The following PRDM14 variants were observed in gnomAD, a reference collection of about 807,000 sequenced individuals.
PRDM14 encodes the protein PR domain zinc finger protein 14.
A neutral mutation model predicts 48.0 loss-of-function variants in PRDM14; 16 were observed. The ratio of observed to expected loss-of-function variants is 0.33; its 90% CI spans 0.23 to 0.51. The LOEUF (loss-of-function observed/expected upper bound fraction) is 0.51, where lower values mean the gene tolerates loss of function less well. Ranked by LOEUF, PRDM14 falls within the 20% of genes least tolerant of loss-of-function variation. PRDM14 has a pLI of 0.97. For missense variants in PRDM14, 566 were observed against 719.6 expected (o/e 0.79, Z 2.44); for synonymous variants, 264 against 276.6 (o/e 0.95, Z 0.45).
intron 5 of PRDM14, among the ~76,000 whole-genome samples, chr8:70,064,057 G>A (rs781085078): frequency 3.3e-5 from 5 of 152,048 alleles, no homozygotes; most frequent in Non-Finnish European, 7.4e-5. Flanking sequence ...TATCAGAGGC[G>A]ATCAGAACAA....
intron 7 of PRDM14, 68 bp from the exon 8 acceptor site, chr8:70,052,372 TA>T: frequency 7.7e-7 from 1 of 1,295,642 alleles, no homozygotes; most frequent in East Asian, 2.3e-5. Context: ...CCAATTAAAC[TA>T]AGGGGTAAAT....
Position 70,069,204 on chromosome 8 carries a change from C to T in PRDM14, c.657G>A (p.Leu219=), listed in dbSNP as rs757161513. 1.3e-5 allele frequency: 21 copies of T among 1,560,226 alleles called. No homozygotes were observed. The highest frequency in any genetic ancestry group is 2.5e-5 in the South Asian group (2 of 79,880). Residue 219 remains leucine, a synonymous_variant, in exon 2 of 8, where the codon CTG becomes CTA. Coordinates refer to ENST00000276594, the MANE Select transcript of PRDM14 (RefSeq NM_024504.4). ...VTPSLEHPAS[L]HHAISGLLVP... is the part of the protein sequence containing the mutation. The stretch of plus-strand genomic sequence containing the variant: ...CCAGGAGGCCTGAAATCGCATGGTG[C>T]AGGCTGGCTGGGTGCTCCAGGCTGG...
intron 7 of PRDM14, among the ~76,000 whole-genome samples, chr8:70,054,003 C>A (rs1473127225): frequency 1.3e-5 from 2 of 152,160 alleles, no homozygotes; most frequent in African/African-American, 4.8e-5. Flanking sequence ...CTAATGCAAC[C>A]TAGGGAACGG....
In PRDM14 at chr8:70,058,745, C is replaced by G. The variant is rs1469499621; in HGVS notation, c.1281G>C (p.Lys427Asn). ...GAGAACAGGGAAATTTCCTATCGCC[C>G]TTGTCCACACAGGGGGTGTACTTGA... Reference protein sequence around the residue: ...KHLKYTPCVDKGDRKFPCSLC... With the variant: ...KHLKYTPCVDNGDRKFPCSLC... Residue 427 changes from lysine (K) to asparagine (N), a missense_variant, in exon 6 of 8, where the codon AAG (lysine) becomes AAC (asparagine). By Grantham distance (94) the Lys-to-Asn change is moderately conservative. This residue lies in a region of PRDM14 where 126 missense variants were observed against 271.6 expected (regional missense o/e 0.46). Transcript: ENST00000276594. 1 of 1,614,092 alleles carries G rather than the reference C, an allele frequency of 6.2e-7. No individual in the cohort carries two copies. The highest frequency in any genetic ancestry group is 1.7e-5 in the Admixed American group (1 of 60,012).
At chr8:70,067,056 A>C (rs1805681031) in intron 4 of PRDM14, among the ~76,000 whole-genome samples, 2 of 152,194 alleles carry the variant, frequency 1.3e-5, no homozygotes, top group African/African-American at 4.8e-5. Flanking sequence ...AAAGATTCTT[A>C]CTTTTATCAC....
intron 5 of PRDM14, among the ~76,000 whole-genome samples, chr8:70,060,652 T>G (rs945092495): frequency 6.6e-6 from 1 of 152,212 alleles, no homozygotes; most frequent in Non-Finnish European, 1.5e-5. Flanking sequence ...TTCCTTGATA[T>G]GTACTGTTGA....
rs914863456 is a variant in PRDM14 at position 70,060,522 on chromosome 8, T to C, written c.1184-1680A>G. ...ATGCACATTTATATACACACATATA[T>C]ATTTGTTTAATTACTTTCTGGTCAG... On this transcript the variant is annotated intron_variant, in intron 5 of 7. Coordinates refer to ENST00000276594, the MANE Select transcript of PRDM14 (RefSeq NM_024504.4). Among the ~76,000 whole-genome samples, 3 of 152,374 alleles carry C rather than the reference T, an allele frequency of 2.0e-5. No individual in the cohort carries two copies. In the East Asian group the frequency reaches 5.8e-4, roughly 29 times the overall value.
At chr8:70,052,363 C>T (rs1052549813) in intron 7 of PRDM14, 59 bp from the exon 8 acceptor site, 1 of 1,369,868 alleles carries the variant, frequency 7.3e-7, no homozygotes, top group Non-Finnish European at 1.0e-6. Context: ...GCTGGACAAC[C>T]AATTAAACTA....
intron 5 of PRDM14, among the ~76,000 whole-genome samples, chr8:70,065,882 G>C (rs1805659332): frequency 6.6e-6 from 1 of 151,690 alleles, no homozygotes; most frequent in Admixed American, 6.6e-5. Flanking sequence ...CTAGTGATTA[G>C]ACTTCAGCTA....
intron 1 of PRDM14, among the ~76,000 whole-genome samples, chr8:70,070,096 A>G (rs911078513): frequency 3.9e-5 from 6 of 152,156 alleles, no homozygotes; most frequent in Non-Finnish European, 5.9e-5. Flanking sequence ...CCAAACGGAA[A>G]TCTGCCGGGA....
At chr8:70,058,551 C>T in intron 6 of PRDM14, 89 bp downstream of exon 6, 1 of 1,122,756 alleles carries the variant, frequency 8.9e-7, no homozygotes. Context: ...AGCCCTGCAG[C>T]TAGCACCTAC....
At chr8:70,064,101 CG>C (rs1805628043) in intron 5 of PRDM14, among the ~76,000 whole-genome samples, 1 of 151,986 alleles carries the variant, frequency 6.6e-6, no homozygotes, top group Non-Finnish European at 1.5e-5. Flanking sequence ...GGTTCAGTGG[CG>C]GGGGGAACCC....
intron 5 of PRDM14, among the ~76,000 whole-genome samples, chr8:70,059,650 C>G (rs1805543292): frequency 6.6e-6 from 1 of 152,166 alleles, no homozygotes; most frequent in African/African-American, 2.4e-5. Context: ...AATAAACCCT[C>G]ATGTGCCAAA....
At chr8:70,064,446 TA>T (rs1739725640) in intron 5 of PRDM14, among the ~76,000 whole-genome samples, 1 of 151,970 alleles carries the variant, frequency 6.6e-6, no homozygotes, top group Non-Finnish European at 1.5e-5. Flanking sequence ...AAGCACGAGA[TA>T]CTAAAGTGTT....
At chr8:70,070,768 G>T (rs1357322607) in intron 1 of PRDM14, among the ~76,000 whole-genome samples, 5 of 152,220 alleles carry the variant, frequency 3.3e-5, no homozygotes, top group Admixed American at 1.3e-4. Flanking sequence ...CCCCCGCACC[G>T]CCGGGAAAGG....
intron 2 of PRDM14, 21 bp downstream of exon 2, chr8:70,069,140 A>G (rs773577454): frequency 6.8e-6 from 10 of 1,469,494 alleles, no homozygotes; most frequent in Non-Finnish European, 5.4e-6. Context: ...TCGACTCCCA[A>G]ATGGTGTGAA....
At chr8:70,056,114 A>G (rs573240123) in intron 6 of PRDM14, among the ~76,000 whole-genome samples, 31 of 152,374 alleles carry the variant, frequency 2.0e-4, no homozygotes. Context: ...GACGATGAAC[A>G]TGTAAGCCAA....
chr8:70,065,377 T>A (rs988686257), intron 5 of PRDM14, among the ~76,000 whole-genome samples: 1 of 152,138 alleles, frequency 6.6e-6, no homozygotes, highest in African/African-American at 2.4e-5. Flanking sequence ...TAAACTTCAG[T>A]GTATATAGAA....
chr8:70,051,770 T>TTTTGTTTTGTTTTG lies in PRDM14; in HGVS notation c.*306_*307insCAAAACAAAACAAA, dbSNP rs374011937. The TTTTGTTTTGTTTTG allele has an allele frequency of 0.27, 67,177 of 247,226 alleles. 10,080 individuals are homozygous for TTTTGTTTTGTTTTG. The highest frequency in any genetic ancestry group is 0.33 in the East Asian group (3,867 of 11,634). 15.3% of individuals were successfully genotyped at this position (247,226 alleles called of 1,614,324 possible). A position where few individuals can be genotyped will look rare whatever the true frequency, so the allele number is the denominator to read the frequency against. ...CCACACTCTTGAGGGCTACTCATTT[T>TTTTGTTTTGTTTTG]TTTTGTTTTGTTTTGTTTTGAGACA... On this transcript the variant is annotated 3_prime_UTR_variant, in exon 8 of 8. Coordinates refer to ENST00000276594, the MANE Select transcript of PRDM14 (RefSeq NM_024504.4).
Sources: allele counts gnomAD v4.1 joint callset (sites outside exome capture counted in the v4.1 genomes callset), GRCh38; gene constraint gnomAD v4.1.1; regional missense constraint gnomAD v4.1.1; transcripts MANE v1.5; gene names NCBI Gene and HGNC (gene_info 2026-07-23, HGNC 2026-07-21).